Variants in RBFOX2 observed in about 807,000 individuals in gnomAD.
The protein encoded by RBFOX2 is RNA binding fox-1 homolog 2.
A neutral mutation model predicts 49.1 loss-of-function variants in RBFOX2; 10 were observed. The observed-to-expected ratio is 0.20, with a 90% CI of 0.13 to 0.35. The LOEUF (loss-of-function observed/expected upper bound fraction) is 0.35, where lower values mean the gene tolerates loss of function less well. Ranked by LOEUF, RBFOX2 falls within the 10% of genes least tolerant of loss-of-function variation. RBFOX2 has a pLI of 1.00. For missense variants in RBFOX2, 323 were observed against 486.9 expected (o/e 0.66, Z 3.17); for synonymous variants, 183 against 187.4 (o/e 0.98, Z 0.19).
chr22:35,814,703 C>T (rs1261819343), intron 1 of RBFOX2, among the ~76,000 whole-genome samples: 1 of 128,962 alleles, frequency 7.8e-6, no homozygotes, highest in Non-Finnish European at 1.6e-5. Context: ...AGAGTGGAAC[C>T]CTGTCTCAAA....
intron 1 of RBFOX2, among the ~76,000 whole-genome samples, chr22:36,003,497 C>G (rs1302428492): frequency 6.6e-6 from 1 of 152,160 alleles, no homozygotes; most frequent in African/African-American, 2.4e-5. Context: ...TGTCCAGCTA[C>G]ACATACCAAG....
intron 1 of RBFOX2, among the ~76,000 whole-genome samples, chr22:35,851,551 G>A (rs1255606009): frequency 6.6e-6 from 1 of 152,194 alleles, no homozygotes; most frequent in Non-Finnish European, 1.5e-5. Context: ...TCTTGGCCGG[G>A]TGGTGTGGCT....
intron 10 of RBFOX2, among the ~76,000 whole-genome samples, chr22:35,746,252 A>G (rs1932739719): frequency 1.3e-5 from 2 of 152,242 alleles, no homozygotes; most frequent in African/African-American, 4.8e-5. Context: ...TCAAAGTCAA[A>G]GAAGAGATGA....
At chr22:35,894,018 C>T (rs915521667) in intron 1 of RBFOX2, among the ~76,000 whole-genome samples, 9 of 152,060 alleles carry the variant, frequency 5.9e-5, no homozygotes, top group Non-Finnish European at 8.8e-5. Context: ...AAATTGCAGG[C>T]GGCTTGGGGG....
chr22:35,774,742 C>A (rs924830587), intron 4 of RBFOX2, among the ~76,000 whole-genome samples: 9 of 152,060 alleles, frequency 5.9e-5, no homozygotes, highest in Non-Finnish European at 8.8e-5. Flanking sequence ...TACTGGCAGA[C>A]AAGGAGGGCA....
chr22:35,803,280 A>G (rs963466265), intron 2 of RBFOX2, among the ~76,000 whole-genome samples: 4 of 152,212 alleles, frequency 2.6e-5, no homozygotes, highest in African/African-American at 9.6e-5. Flanking sequence ...AAAGAAACAG[A>G]AAAGTGACCC....
intron 1 of RBFOX2, among the ~76,000 whole-genome samples, chr22:35,850,260 C>T (rs1210770116): frequency 6.6e-6 from 1 of 151,400 alleles, no homozygotes; most frequent in Middle Eastern, 3.4e-3. Flanking sequence ...CCGGCAGAGA[C>T]AGGTGTTAGG....
At chr22:35,784,132 C>T (rs939100510) in intron 2 of RBFOX2, among the ~76,000 whole-genome samples, 2 of 152,176 alleles carry the variant, frequency 1.3e-5, no homozygotes, top group Admixed American at 6.5e-5. Flanking sequence ...TGGTGAATCA[C>T]GCTCAGTAAA....
intron 9 of RBFOX2, among the ~76,000 whole-genome samples, chr22:35,754,648 G>A (rs958636535): frequency 1.3e-5 from 2 of 152,106 alleles, no homozygotes; most frequent in Non-Finnish European, 1.5e-5. Context: ...TATGTAATCT[G>A]GTGTAAAAGT....
chr22:35,851,638 C>G (rs918893019), intron 1 of RBFOX2, among the ~76,000 whole-genome samples: 7 of 152,006 alleles, frequency 4.6e-5, no homozygotes, highest in Non-Finnish European at 2.9e-5. Context: ...ACCAGCCTGG[C>G]TAACATGGCA....
intron 1 of RBFOX2, 45 bp downstream of exon 1, chr22:36,028,195 A>G: frequency 7.1e-7 from 1 of 1,417,950 alleles, no homozygotes; most frequent in Non-Finnish European, 9.2e-7. Context: ...GTCGACCCTC[A>G]CGCCCACCCC....
chr22:35,851,089 C>A (rs1010145840), intron 1 of RBFOX2, among the ~76,000 whole-genome samples: 18 of 152,200 alleles, frequency 1.2e-4, no homozygotes, highest in Non-Finnish European at 2.4e-4. Flanking sequence ...GCCCCGCCCC[C>A]ATCAGTGTAA....
intron 1 of RBFOX2, among the ~76,000 whole-genome samples, chr22:35,929,685 T>C (rs969816100): frequency 7.2e-5 from 11 of 152,086 alleles, no homozygotes; most frequent in African/African-American, 2.7e-4. Flanking sequence ...ATGGTCTCGC[T>C]GTGTTGCCCA....
intron 2 of RBFOX2, among the ~76,000 whole-genome samples, chr22:35,801,126 A>C (rs972202937): frequency 1.3e-5 from 2 of 152,196 alleles, no homozygotes; most frequent in Admixed American, 1.3e-4. Flanking sequence ...TCCCAAAGGG[A>C]TATTTTATAA....
At position 35,759,277 on chromosome 22, in the gene RBFOX2, T is replaced by C. The variant is rs893646895; in HGVS notation, c.887+611A>G. Among the ~76,000 whole-genome samples, 4 of 152,066 alleles carry C rather than the reference T, an allele frequency of 2.6e-5. No homozygotes were observed. The highest frequency in any genetic ancestry group is 9.7e-5 in the African/African-American group (4 of 41,426). Reference sequence around the variant, plus strand: ...AGCTACAGTCGCTGTTTTACCATCATTCAGAAGCCAACTGCAGTTTAATTC... The same window carrying C: ...AGCTACAGTCGCTGTTTTACCATCACTCAGAAGCCAACTGCAGTTTAATTC... On this transcript the variant is annotated intron_variant, in intron 9 of 11. Coordinates refer to ENST00000405409, the Ensembl canonical transcript of RBFOX2. This position sits in a 1 kb window ranked among gnomAD's most constrained non-coding sequence, Gnocchi z 4.6.
chr22:35,756,167 CA>C, intron 9 of RBFOX2, 23 bp from the exon 11 acceptor site: 3 of 1,487,206 alleles, frequency 2.0e-6, no homozygotes, highest in Admixed American at 2.2e-5. Flanking sequence ...CACACAAAAA[CA>C]AAAACAAAAA....
At chr22:35,933,586 T>C (rs1337545570) in intron 1 of RBFOX2, among the ~76,000 whole-genome samples, 3 of 152,092 alleles carry the variant, frequency 2.0e-5, no homozygotes, top group Non-Finnish European at 1.5e-5. Flanking sequence ...CCAAACCGAG[T>C]TGACTCTAAA....
Position 35,814,072 on chromosome 22 carries a change from T to C in RBFOX2, c.28-4068A>G, listed in dbSNP as rs570088152. ...CTATTAATTTCTGAGTTGAGAATGA[T>C]GTCTTTCTCTTTTAAACCACAGATA... On this transcript the variant is annotated intron_variant, in intron 1 of 11. Transcript: ENST00000405409. Among the ~76,000 whole-genome samples the C allele has an allele frequency of 4.6e-5, 7 of 152,360 alleles. No individual in the cohort carries two copies. In the East Asian group the frequency reaches 9.6e-4, roughly 21 times the overall value.
rs867950151 is a variant in RBFOX2 at position 35,898,840 on chromosome 22, T to C, written c.-34+40007A>G. Among the ~76,000 whole-genome samples the C allele has an allele frequency of 4.6e-5, 7 of 152,262 alleles. No homozygotes were observed. In the South Asian group the frequency reaches 1.0e-3, roughly 23 times the overall value. ...AATCAAGTTTAGGATAGGATAAAGA[T>C]AAAAGGTTGGGCGTGGTGGCTCATG... On this transcript the variant is annotated intron_variant, in intron 1 of 13. Coordinates refer to the RBFOX2 transcript ENST00000359369.
Sources: gnomAD v4.1 joint callset for allele counts (sites outside exome capture counted in the v4.1 genomes callset) on GRCh38, gnomAD v4.1.1 for gene constraint, Gnocchi (gnomAD v3.1) non-coding constraint, MANE v1.5 for transcripts, NCBI Gene and HGNC (gene_info 2026-07-23, HGNC 2026-07-21) for gene names.